The following WDR76 variants were observed in gnomAD, a reference collection of about 807,000 sequenced individuals.
The protein encoded by WDR76 is WD repeat domain 76.
WDR76 carries 52 observed loss-of-function variants against 70.2 expected under a neutral mutation model. The ratio of observed to expected loss-of-function variants is 0.74; its 90% CI spans 0.59 to 0.93. The LOEUF is 0.93. WDR76 is among the 40% of genes least tolerant of loss of function. The pLI is 0.00. For synonymous variants in WDR76, 292 were observed against 271.1 expected (o/e 1.08, Z -0.76); for missense variants, 756 against 760.2 (o/e 0.99, Z 0.07).
rs568209595 is a variant in WDR76, at chr15:43,837,028, G to A, written c.608+812G>A. Reference sequence around the variant, plus strand: ...GCACTCCAGCCTGGGCAATAAGAGTGAGACTCCATCTCACAAAAAAAAAAA... The same window carrying A: ...GCACTCCAGCCTGGGCAATAAGAGTAAGACTCCATCTCACAAAAAAAAAAA... On this transcript the variant is annotated intron_variant, in intron 4 of 12. Coordinates refer to ENST00000263795, the MANE Select transcript of WDR76 (RefSeq NM_024908.4). Among the ~76,000 whole-genome samples the A allele has an allele frequency of 6.2e-5, 9 of 145,422 alleles. No homozygotes were observed. In the East Asian group the frequency reaches 9.9e-4, roughly 16 times the overall value.
chr15:43,838,644 T>C lies in WDR76; in HGVS notation c.609-961T>C, dbSNP rs369484348. ...ATTTATGCTTTTAAATTTACCCATG[T>C]TGATGCGCACAGCTTTATTTCGTTC... is the stretch of plus-strand genomic sequence containing the variant. On this transcript the variant is annotated intron_variant, in intron 4 of 12. Coordinates refer to ENST00000263795, the MANE Select transcript of WDR76 (RefSeq NM_024908.4). 7.9e-5 allele frequency among the ~76,000 whole-genome samples: 12 copies of C among 152,250 alleles called. No individual in the cohort carries two copies. In the East Asian group the frequency reaches 2.3e-3, roughly 29 times the overall value.
chr15:43,844,097 G>C, intron 8 of WDR76, 43 bp downstream of exon 8: 1 of 1,581,822 alleles, frequency 6.3e-7, no homozygotes, highest in Non-Finnish European at 8.6e-7. Flanking sequence ...TTTGACTAAA[G>C]CAAATAGGCT....
chr15:43,832,986 C>T (rs2141723885), intron 2 of WDR76, among the ~76,000 whole-genome samples: 1 of 151,766 alleles, frequency 6.6e-6, no homozygotes, highest in Admixed American at 6.6e-5. Flanking sequence ...AGTTCCTGGC[C>T]TCTAGTGATC....
chr15:43,841,065 G>A (rs2087718291), intron 5 of WDR76, among the ~76,000 whole-genome samples: 1 of 151,396 alleles, frequency 6.6e-6, no homozygotes, highest in African/African-American at 2.4e-5. Context: ...CTGTCACCCA[G>A]GCTGGAGTGC....
rs552612449 is a variant in WDR76 at position 43,839,817 on chromosome 15, A to G, written c.732+89A>G. ...AACTAGACTAAAAGTTCATTAAATT[A>G]TGTTTAATTTTATATTTCATTAATA... is the stretch of plus-strand genomic sequence containing the variant. On this transcript the variant is annotated intron_variant, in intron 5 of 12. Transcript: ENST00000263795. The G allele has an allele frequency of 2.9e-6, 4 of 1,362,378 alleles. No homozygotes were observed. In the East Asian group the frequency reaches 1.1e-4, roughly 36 times the overall value. The allele number at this position is 1,362,378 out of a possible 1,614,324, so 84.4% of individuals were successfully genotyped here.
intron 4 of WDR76, among the ~76,000 whole-genome samples, chr15:43,839,062 A>C (rs1354771074): frequency 6.6e-6 from 1 of 152,186 alleles, no homozygotes; most frequent in Non-Finnish European, 1.5e-5. Flanking sequence ...TACTTTTTTA[A>C]AAATGAAAAA....
chr15:43,850,443 C>T (rs2087842886), intron 8 of WDR76, among the ~76,000 whole-genome samples: 2 of 152,020 alleles, frequency 1.3e-5, no homozygotes, highest in African/African-American at 2.4e-5. Context: ...CTACAGGTGC[C>T]GGCCACCACG....
In WDR76 at chr15:43,828,200, A is replaced by T; in HGVS notation, c.296A>T (p.Lys99Ile). 1 of 1,614,228 alleles carries T rather than the reference A, an allele frequency of 6.2e-7. No individual in the cohort carries two copies. Among genetic ancestry groups the T allele is most frequent in the African/African-American group, 1.3e-5 (1 of 75,058 alleles). Reference sequence around the variant, plus strand: ...AGAAGGATTATACCTCCAAAGATGAAAAACACATCTTCCAAGGCAGAATCC... The same window carrying T: ...AGAAGGATTATACCTCCAAAGATGATAAACACATCTTCCAAGGCAGAATCC... ...TCRRIIPPKM[K>I]NTSSKAESTL... Residue 99 changes from lysine (K) to isoleucine (I), a missense_variant, in exon 2 of 13, where the codon AAA becomes ATA. Physicochemically the swap from Lys to Ile is moderately radical, Grantham distance 102. Coordinates refer to ENST00000263795, the MANE Select transcript of WDR76 (RefSeq NM_024908.4).
rs147541959 is a variant in WDR76 at position 43,828,271 on chromosome 15, C to T, written c.367C>T (p.Leu123=). Residue 123 remains leucine (L), a synonymous_variant, in exon 2 of 13, where the codon CTA becomes TTA. Transcript: ENST00000263795. The part of the protein sequence containing the change: ...SSAVHTESNK[L]QPKRTADAMN... ...AGCTGTTCATACTGAAAGTAACAAGCTACAACCCAAGAGAACGGCAGATGC... is the reference window on the plus strand; with the variant it reads ...AGCTGTTCATACTGAAAGTAACAAGTTACAACCCAAGAGAACGGCAGATGC... The T allele has an allele frequency of 3.7e-6, 6 of 1,614,044 alleles. No homozygotes were observed. The African/African-American group carries it at 8.0e-5, about 22-fold the overall frequency.
chr15:43,832,166 C>A (rs2087597446), intron 2 of WDR76, among the ~76,000 whole-genome samples: 1 of 152,272 alleles, frequency 6.6e-6, no homozygotes, highest in African/African-American at 2.4e-5. Flanking sequence ...CAGCTTCCTT[C>A]AATGTTGAAA....
At chr15:43,836,628 A>G (rs1410347646) in intron 4 of WDR76, among the ~76,000 whole-genome samples, 2 of 152,212 alleles carry the variant, frequency 1.3e-5, no homozygotes, top group Non-Finnish European at 1.5e-5. Flanking sequence ...TCTCTGAAAC[A>G]TACTGCAGTG....
intron 1 of WDR76, among the ~76,000 whole-genome samples, chr15:43,827,332 C>T (rs1315882629): frequency 1.3e-5 from 2 of 152,150 alleles, no homozygotes; most frequent in Admixed American, 6.5e-5. Flanking sequence ...CAGTTATGAT[C>T]GGCTTCACAC....
intron 12 of WDR76, among the ~76,000 whole-genome samples, chr15:43,861,628 T>C (rs1024383176): frequency 6.6e-6 from 1 of 152,196 alleles, no homozygotes; most frequent in Non-Finnish European, 1.5e-5. Flanking sequence ...GAGGTTATTT[T>C]TGGTTAAGGT....
chr15:43,863,114 T>C (rs754499675), intron 12 of WDR76, among the ~76,000 whole-genome samples: 3 of 152,164 alleles, frequency 2.0e-5, no homozygotes, highest in Non-Finnish European at 4.4e-5. Context: ...TTTTGTATTT[T>C]TTTTAGTAGA....
chr15:43,834,975 T>G, intron 2 of WDR76, 86 bp from the exon 3 acceptor site: 1 of 1,076,684 alleles, frequency 9.3e-7, no homozygotes, highest in Non-Finnish European at 1.4e-6. Context: ...AAAGTATTCA[T>G]GTAGAAAATG....
intron 10 of WDR76, among the ~76,000 whole-genome samples, 181 bp downstream of exon 10, chr15:43,857,344 A>G (rs1372622207): frequency 6.6e-6 from 1 of 152,170 alleles, no homozygotes. Flanking sequence ...TTTGAAAATG[A>G]AAAATTCTTT....
chr15:43,854,568 A>T (rs2087905841), intron 9 of WDR76, among the ~76,000 whole-genome samples: 1 of 152,092 alleles, frequency 6.6e-6, no homozygotes, highest in Non-Finnish European at 1.5e-5. Context: ...AGACTCTCAA[A>T]AAAAGTTACA....
intron 5 of WDR76, among the ~76,000 whole-genome samples, chr15:43,841,339 G>A (rs1399807326): frequency 1.3e-5 from 2 of 151,558 alleles, no homozygotes; most frequent in Non-Finnish European, 2.9e-5. Context: ...TGGGACTATA[G>A]GCACCTGCCA....
At chr15:43,831,746 TC>T (rs2087592049) in intron 2 of WDR76, among the ~76,000 whole-genome samples, 1 of 151,922 alleles carries the variant, frequency 6.6e-6, no homozygotes, top group African/African-American at 2.4e-5. Context: ...GCCATGTCTT[TC>T]TTTCTTGGTT....
Sources: gnomAD v4.1 joint callset for allele counts (sites outside exome capture counted in the v4.1 genomes callset) on GRCh38, gnomAD v4.1.1 for gene constraint, MANE v1.5 for transcripts, NCBI Gene and HGNC (gene_info 2026-07-23, HGNC 2026-07-21) for gene names.